Variants in ANKRD17 observed in about 807,000 individuals in gnomAD.
ANKRD17 encodes the protein ankyrin repeat domain 17, also known as ankyrin repeat domain-containing protein 17.
Under a neutral mutation model 229.7 loss-of-function variants are expected in ANKRD17, and 19 were observed. The ratio of observed to expected loss-of-function variants is 0.08; its 90% CI spans 0.06 to 0.12. The LOEUF (loss-of-function observed/expected upper bound fraction) is 0.12. ANKRD17 is among the 10% of genes least tolerant of loss of function. The pLI, the probability that ANKRD17 is intolerant of heterozygous loss-of-function variation, is 1.00. For missense variants in ANKRD17, 2,176 were observed against 3,176.8 expected, an observed-to-expected ratio of 0.68 and a Z score of 7.57; for synonymous variants, 1,112 against 1,146.1, an observed-to-expected ratio of 0.97 and a Z score of 0.60.
At chr4:73,155,495 T>C in intron 5 of ANKRD17, 136 bp downstream of exon 5, 1 of 922,384 alleles carries the variant, frequency 1.1e-6, no homozygotes, top group Non-Finnish European at 1.6e-6. Context: ...TCAAAACTCA[T>C]ACACAGATGT....
chr4:73,214,847 TAAAAAAAAAAA>T (rs766995925), intron 1 of ANKRD17, among the ~76,000 whole-genome samples: 2 of 85,596 alleles, frequency 2.3e-5, no homozygotes, highest in African/African-American at 8.8e-5. Context: ...TCGTCTCTAT[TAAAAAAAAAAA>T]AAAAAAAAAA....
chr4:73,182,051 C>CAAAAAAAAAAA (rs143812968), intron 1 of ANKRD17, among the ~76,000 whole-genome samples: 4 of 43,260 alleles, frequency 9.2e-5, no homozygotes, highest in Non-Finnish European at 1.5e-4. Context: ...CCGTCCCCAC[C>CAAAAAAAAAAA]AAAAAAAAAA....
At chr4:73,238,290 T>C (rs1218668622) in intron 1 of ANKRD17, among the ~76,000 whole-genome samples, 2 of 152,178 alleles carry the variant, frequency 1.3e-5, no homozygotes, top group Admixed American at 6.6e-5. Context: ...ATTTAATTTT[T>C]ACATGTCACA....
intron 1 of ANKRD17, among the ~76,000 whole-genome samples, chr4:73,205,676 T>C (rs947488224): frequency 5.3e-5 from 8 of 152,166 alleles, no homozygotes; most frequent in African/African-American, 1.9e-4. Context: ...ATGACACTGG[T>C]TGGGCAATGA....
At chr4:73,203,778 AAG>A (rs1739031808) in intron 1 of ANKRD17, among the ~76,000 whole-genome samples, 1 of 150,708 alleles carries the variant, frequency 6.6e-6, no homozygotes, top group Non-Finnish European at 1.5e-5. Context: ...AAAAAAAAAA[AAG>A]AAAAAGAAAT....
intron 19 of ANKRD17, among the ~76,000 whole-genome samples, chr4:73,121,327 A>C (rs1179695098): frequency 6.6e-6 from 1 of 152,200 alleles, no homozygotes; most frequent in Non-Finnish European, 1.5e-5. Flanking sequence ...GAAGGTGATT[A>C]ATAAGTTATT....
chr4:73,230,850 T>C (rs1373289489), intron 1 of ANKRD17, among the ~76,000 whole-genome samples: 1 of 152,208 alleles, frequency 6.6e-6, no homozygotes, highest in Non-Finnish European at 1.5e-5. Context: ...TCTCTACCCA[T>C]GGTGGGTCAC....
intron 18 of ANKRD17, among the ~76,000 whole-genome samples, chr4:73,124,446 C>A (rs1370756838): frequency 6.6e-6 from 1 of 152,016 alleles, no homozygotes. Flanking sequence ...TATCTGAGAA[C>A]CTTTCCTCCA....
At chr4:73,207,788 A>G (rs1233376357) in intron 1 of ANKRD17, among the ~76,000 whole-genome samples, 1 of 152,246 alleles carries the variant, frequency 6.6e-6, no homozygotes, top group Non-Finnish European at 1.5e-5. Flanking sequence ...AAAAACTGAC[A>G]AATCGGAAAG....
intron 24 of ANKRD17, among the ~76,000 whole-genome samples, chr4:73,106,705 C>A (rs1724674446): frequency 6.6e-6 from 1 of 151,552 alleles, no homozygotes; most frequent in African/African-American, 2.4e-5. Flanking sequence ...ATGGTGAAAC[C>A]CCATCTCTAC....
At chr4:73,116,258 C>T (rs1395417924) in intron 22 of ANKRD17, among the ~76,000 whole-genome samples, 4 of 151,910 alleles carry the variant, frequency 2.6e-5, no homozygotes. Context: ...TGCTAACTCC[C>T]TAAATATGAG....
At chr4:73,170,547 G>A (rs1329188798) in intron 2 of ANKRD17, among the ~76,000 whole-genome samples, 1 of 151,816 alleles carries the variant, frequency 6.6e-6, no homozygotes, top group Non-Finnish European at 1.5e-5. Context: ...GGGGGCGGGG[G>A]GCTGTTAAGT....
At chr4:73,230,177 T>C (rs1296954607) in intron 1 of ANKRD17, among the ~76,000 whole-genome samples, 1 of 152,112 alleles carries the variant, frequency 6.6e-6, no homozygotes, top group African/African-American at 2.4e-5. Flanking sequence ...ATCTAAAGGA[T>C]ATATGTAAGA....
chr4:73,100,336 C>A (rs1357702670), intron 25 of ANKRD17, among the ~76,000 whole-genome samples: 1 of 151,926 alleles, frequency 6.6e-6, no homozygotes, highest in Non-Finnish European at 1.5e-5. Flanking sequence ...AGCAAGGGGG[C>A]CTGAATCGAC....
chr4:73,100,103 C>T (rs1335323620), intron 25 of ANKRD17, among the ~76,000 whole-genome samples: 5 of 152,184 alleles, frequency 3.3e-5, no homozygotes, highest in Non-Finnish European at 7.3e-5. Context: ...TACCTCTGGA[C>T]AGTGGTGGTG....
chr4:73,223,803 A>C (rs920293798), intron 1 of ANKRD17, among the ~76,000 whole-genome samples: 10 of 152,320 alleles, frequency 6.6e-5, no homozygotes, highest in African/African-American at 2.2e-4. Flanking sequence ...AGAGACACCA[A>C]ATCTGGATCA....
At chr4:73,146,992 C>A in intron 9 of ANKRD17, 119 bp from the exon 10 acceptor site, 1 of 841,300 alleles carries the variant, frequency 1.2e-6, no homozygotes, top group South Asian at 2.3e-5. Context: ...ATTCAAACTT[C>A]ACTCATTTCC....
intron 29 of ANKRD17, among the ~76,000 whole-genome samples, chr4:73,086,564 AAAAG>A (rs1488100565): frequency 2.0e-5 from 3 of 151,956 alleles, no homozygotes; most frequent in African/African-American, 7.2e-5. Flanking sequence ...ATACAGAAAA[AAAAG>A]AAAGAAAATA....
At chr4:73,236,675 A>C (rs1226277878) in intron 1 of ANKRD17, among the ~76,000 whole-genome samples, 1 of 152,180 alleles carries the variant, frequency 6.6e-6, no homozygotes, top group African/African-American at 2.4e-5. Flanking sequence ...AAAAATGACA[A>C]CTTCATTCCA....
Sources: allele counts gnomAD v4.1 joint callset (sites outside exome capture counted in the v4.1 genomes callset), GRCh38; gene constraint gnomAD v4.1.1; transcripts MANE v1.5; gene names NCBI Gene and HGNC (gene_info 2026-07-23, HGNC 2026-07-21).